Variants in ZNF596 observed in about 807,000 individuals in gnomAD.
ZNF596 encodes the protein zinc finger protein 596.
Under a neutral mutation model 48.3 loss-of-function variants are expected in ZNF596, and 45 were observed. That is an observed-to-expected ratio of 0.93 (90% confidence interval 0.73 to 1.19). The LOEUF (loss-of-function observed/expected upper bound fraction) is 1.19. Ranked by LOEUF, ZNF596 falls within the 50% of genes most tolerant of loss-of-function variation. The probability of loss-of-function intolerance (pLI) is 0.00; values close to 1 mark genes in which losing one functional copy is unlikely to be tolerated. For synonymous variants in ZNF596, 270 were observed against 202.0 expected, an observed-to-expected ratio of 1.34 and a Z score of -2.85; for missense variants, 848 against 599.7, an observed-to-expected ratio of 1.41 and a Z score of -4.32.
chr8:232,217 G>C (rs1429821746), upstream of ZNF596: 1 of 157,408 alleles, frequency 6.4e-6, no homozygotes, highest in Non-Finnish European at 1.5e-5. Context: ...GCTTTCAACC[G>C]GCGGAGACAC....
chr8:235,045 G>T (rs1022644822), intron 1 of ZNF596, among the ~76,000 whole-genome samples: 1 of 152,148 alleles, frequency 6.6e-6, no homozygotes, highest in Non-Finnish European at 1.5e-5. Context: ...AATCAGTATT[G>T]ATCTGGCCAC....
chr8:238,725 T>G (rs1414961944), intron 1 of ZNF596, among the ~76,000 whole-genome samples: 1 of 151,312 alleles, frequency 6.6e-6, no homozygotes, highest in Non-Finnish European at 1.5e-5. Flanking sequence ...GAGAATCACT[T>G]GAATCCAGGA....
chr8:245,026 T>C (rs1563069443), intron 5 of ZNF596, 128 bp from the exon 6 acceptor site: 13 of 1,162,064 alleles, frequency 1.1e-5, no homozygotes, highest in East Asian at 9.9e-5. Flanking sequence ...ATAACTGATA[T>C]AGGAACAATT....
intron 3 of ZNF596, 96 bp downstream of exon 3, chr8:243,109 C>G (rs982322844): frequency 1.4e-5 from 16 of 1,143,732 alleles, no homozygotes; most frequent in Non-Finnish European, 1.8e-5. Flanking sequence ...GTGCTTAGAA[C>G]AGCTTTCTCA....
intron 3 of ZNF596, 132 bp downstream of exon 3, chr8:243,145 T>C: frequency 1.3e-6 from 1 of 748,198 alleles, no homozygotes; most frequent in Non-Finnish European, 2.0e-6. Context: ...TCTGCTTTGA[T>C]CCTTTCATAA....
chr8:245,526 C>G lies in ZNF596; in HGVS notation c.679C>G (p.Leu227Val). The G allele has an allele frequency of 3.1e-6, 5 of 1,614,062 alleles. No homozygotes were observed. The highest frequency in any genetic ancestry group is 3.4e-6 in the Non-Finnish European group (4 of 1,179,982). The change falls in exon 6 of 6, where the codon CTA becomes GTA. Residue 227 changes from leucine (L) to valine (V), a missense_variant. Leu to Val is a conservative substitution (Grantham distance 32). Transcript: ENST00000398612. ...TGGAGAGAAACCACACGGATGTCAT[C>G]TATGTGGGAAAGCCTTTACTCATTG... ...HTGEKPHGCHLCGKAFTHCSD... is the reference protein window; with the variant it reads ...HTGEKPHGCHVCGKAFTHCSD...
chr8:238,296 G>T (rs555022676), intron 1 of ZNF596, among the ~76,000 whole-genome samples: 1 of 152,184 alleles, frequency 6.6e-6, no homozygotes, highest in South Asian at 2.1e-4. Context: ...TCCCCAAGGA[G>T]AATACGTGAG....
chr8:241,501 C>T (rs754247198), intron 2 of ZNF596, among the ~76,000 whole-genome samples: 1 of 152,136 alleles, frequency 6.6e-6, no homozygotes, highest in African/African-American at 2.4e-5. Flanking sequence ...AATTAAAATT[C>T]TTATTACCCT....
At chr8:237,625 G>C (rs1360834201) in intron 1 of ZNF596, 1 of 152,168 alleles carries the variant, frequency 6.6e-6, no homozygotes, top group African/African-American at 2.4e-5. Context: ...TACTATTTAT[G>C]TATGTGTGAT....
chr8:240,115 C>T (rs1343334002), intron 1 of ZNF596, among the ~76,000 whole-genome samples: 2 of 152,224 alleles, frequency 1.3e-5, no homozygotes, highest in Non-Finnish European at 2.9e-5. Context: ...TTTCTTACAA[C>T]TAACAATGTC....
chr8:246,853 A>G lies in ZNF596; in HGVS notation c.*491A>G, dbSNP rs1797110274. The G allele has an allele frequency of 6.5e-6, 1 of 154,952 alleles. No individual in the cohort carries two copies. The highest frequency in any genetic ancestry group is 2.4e-5 in the African/African-American group (1 of 41,486). The allele number at this position is 154,952 out of a possible 1,614,324, so 9.6% of individuals were successfully genotyped here. A position where few individuals can be genotyped will look rare whatever the true frequency, so the allele number is the denominator to read the frequency against. ...GAAATATGTGAAAATATTTTTTATTAGGTGGATGAGGCCTCTTGAACAATT... is the reference window on the plus strand; with the variant it reads ...GAAATATGTGAAAATATTTTTTATTGGGTGGATGAGGCCTCTTGAACAATT... On this transcript the variant is annotated 3_prime_UTR_variant, in exon 6 of 6. Transcript: ENST00000398612.
rs991365775 is a variant in ZNF596 at position 246,091 on chromosome 8, G to A, written c.1244G>A (p.Gly415Glu). 3 of 1,613,294 alleles carry A rather than the reference G, an allele frequency of 1.9e-6. No homozygotes were observed. Among genetic ancestry groups the A allele is most frequent in the Non-Finnish European group, 2.5e-6 (3 of 1,179,468 alleles). ...AGACGACATGAGAGAACTCACACTG[G>A]AGAAAAACCATATGAATGCCATCTA... ...DLRRHERTHT[G>E]EKPYECHLCG... Residue 415 changes from glycine to glutamate, a missense_variant, in exon 6 of 6, where the codon GGA becomes GAA. Coordinates refer to ENST00000398612, the MANE Select transcript of ZNF596 (RefSeq NM_001042416.3).
rs531966743 is a variant in ZNF596, at chr8:242,373, T to C, written c.13-514T>C. ...GTATTTGTGGCTTGTATCTAAAAAG[T>C]GATAGATAGGAACCACTTTACATAC... On this transcript the variant is annotated intron_variant, in intron 2 of 5. Coordinates refer to ENST00000398612, the MANE Select transcript of ZNF596 (RefSeq NM_001042416.3). Among the ~76,000 whole-genome samples the C allele has an allele frequency of 4.6e-5, 7 of 152,324 alleles. No individual in the cohort carries two copies. The East Asian group carries it at 9.6e-4, about 21-fold the overall frequency.
intron 1 of ZNF596, among the ~76,000 whole-genome samples, chr8:238,006 C>T (rs2117076585): frequency 6.6e-6 from 1 of 152,310 alleles, no homozygotes; most frequent in South Asian, 2.1e-4. Flanking sequence ...GACCCAGGCC[C>T]ACATAAGCCA....
At chr8:238,807 T>C (rs1050648824) in intron 1 of ZNF596, among the ~76,000 whole-genome samples, 13 of 151,518 alleles carry the variant, frequency 8.6e-5, no homozygotes, top group Admixed American at 8.6e-4. Flanking sequence ...AACTCCGCTT[T>C]AAAAAAAAGA....
chr8:233,390 A>G (rs1796497996), intron 1 of ZNF596: 1 of 312,926 alleles, frequency 3.2e-6, no homozygotes, highest in Non-Finnish European at 6.5e-6. Context: ...TGAGGCCTCA[A>G]TACTTTTCAG....
intron 1 of ZNF596, among the ~76,000 whole-genome samples, chr8:235,595 TC>T (rs1271688458): frequency 6.6e-6 from 1 of 152,224 alleles, no homozygotes; most frequent in East Asian, 1.9e-4. Flanking sequence ...AATGAATTTT[TC>T]TATGAAACTC....
intron 5 of ZNF596, 100 bp downstream of exon 5, chr8:244,801 C>G: frequency 1.0e-6 from 1 of 965,136 alleles, no homozygotes; most frequent in Non-Finnish European, 1.6e-6. Context: ...TTAAAGCCCT[C>G]CCAGCAGTTT....
chr8:232,279 G>A (rs899982975), upstream of ZNF596: 1 of 165,684 alleles, frequency 6.0e-6, no homozygotes, highest in African/African-American at 2.4e-5. Flanking sequence ...TAAGCTCCCC[G>A]CCCCTGCCCG....
Sources: gnomAD v4.1 joint callset for allele counts (sites outside exome capture counted in the v4.1 genomes callset) on GRCh38, gnomAD v4.1.1 for gene constraint, MANE v1.5 for transcripts, NCBI Gene and HGNC (gene_info 2026-07-23, HGNC 2026-07-21) for gene names.